POU2F1: variants seen among roughly 807,000 people sequenced by gnomAD.
POU2F1 encodes the protein POU domain, class 2, transcription factor 1.
A neutral mutation model predicts 84.9 loss-of-function variants in POU2F1; 16 were observed. The observed-to-expected ratio is 0.19, with a 90% CI of 0.13 to 0.29. The LOEUF is 0.29. POU2F1 is among the 10% of genes least tolerant of loss of function. POU2F1 has a pLI of 1.00. For synonymous variants in POU2F1, 368 were observed against 368.3 expected, an observed-to-expected ratio of 1.00 and a Z score of 0.01; for missense variants, 738 against 942.6, an observed-to-expected ratio of 0.78 and a Z score of 2.84.
chr1:167,293,547 A>G (rs759168332), intron 1 of POU2F1, among the ~76,000 whole-genome samples: 18 of 152,250 alleles, frequency 1.2e-4, no homozygotes, highest in Non-Finnish European at 2.4e-4. Flanking sequence ...CAGTTGACAG[A>G]TTCAATGCAG....
At position 167,283,899 on chromosome 1, in the gene POU2F1, A is replaced by C. The variant is rs528303430; in HGVS notation, c.62-48571A>C. 1.1e-4 allele frequency among the ~76,000 whole-genome samples: 17 copies of C among 152,316 alleles called. No individual in the cohort carries two copies. In the South Asian group the frequency reaches 2.9e-3, roughly 26 times the overall value. On this transcript the variant is annotated intron_variant, in intron 1 of 15. Transcript: ENST00000367866. ...AATAATAATAACAGCCTAAGTGGTT[A>C]ATTTTGTTCCTTATCCCTACAGTAA...
intron 1 of POU2F1, 64 bp downstream of exon 1, chr1:167,221,022 C>CT (rs1648073217): frequency 4.4e-6 from 6 of 1,370,680 alleles, no homozygotes; most frequent in Non-Finnish European, 5.0e-6. Flanking sequence ...CTGCCCCCCC[C>CT]CGCGACTTAG....
chr1:167,322,127 T>A (rs1656355420), intron 1 of POU2F1, among the ~76,000 whole-genome samples: 1 of 152,188 alleles, frequency 6.6e-6, no homozygotes, highest in Non-Finnish European at 1.5e-5. Flanking sequence ...ACCTTTAAAT[T>A]CTTTACCCTG....
intron 1 of POU2F1, among the ~76,000 whole-genome samples, chr1:167,232,641 G>A (rs1226137553): frequency 2.0e-5 from 3 of 152,064 alleles, no homozygotes; most frequent in South Asian, 2.1e-4. Context: ...TCAGGAGTTC[G>A]AGACCAGCCT....
chr1:167,395,242 T>C (rs1163406159), intron 9 of POU2F1, among the ~76,000 whole-genome samples: 1 of 152,234 alleles, frequency 6.6e-6, no homozygotes, highest in Non-Finnish European at 1.5e-5. Flanking sequence ...TTTTGTAATA[T>C]ATTCAGGGCA....
intron 2 of POU2F1, among the ~76,000 whole-genome samples, chr1:167,349,557 A>G (rs557587414): frequency 5.5e-4 from 84 of 152,320 alleles, no homozygotes; most frequent in African/African-American, 1.9e-3. Flanking sequence ...AGTGCTTGCT[A>G]TACAGTATAT....
At chr1:167,391,559 CTTTTTTTTT>C (rs1175783404) in intron 9 of POU2F1, among the ~76,000 whole-genome samples, 4 of 57,894 alleles carry the variant, frequency 6.9e-5, no homozygotes, top group Non-Finnish European at 9.0e-5. Context: ...TTATATATAT[CTTTTTTTTT>C]TTTTTTTTTT....
intron 2 of POU2F1, among the ~76,000 whole-genome samples, chr1:167,335,423 A>G (rs539935564): frequency 3.9e-5 from 6 of 152,300 alleles, no homozygotes; most frequent in African/African-American, 1.4e-4. Context: ...GAGTGGAGAA[A>G]GAAATACAAT....
rs1422229498 is a variant in POU2F1, at chr1:167,422,718, A to G, written c.*6908A>G. ...GCTATTTTTTTAAATAAATGATCCC[A>G]CAGAACTTAAGTGGGATTTGGTTTA... On this transcript the variant is annotated 3_prime_UTR_variant, in exon 16 of 16. Coordinates refer to ENST00000367866, the MANE Select transcript of POU2F1 (RefSeq NM_002697.4). 1 of 152,206 alleles carries G rather than the reference A, an allele frequency of 6.6e-6. No individual in the cohort carries two copies. Among genetic ancestry groups the G allele is most frequent in the African/African-American group, 2.4e-5 (1 of 41,446 alleles). The allele number at this position is 152,206 out of a possible 1,614,324, so 9.4% of individuals were successfully genotyped here.
intron 1 of POU2F1, among the ~76,000 whole-genome samples, chr1:167,261,179 G>A (rs1651539934): frequency 6.6e-6 from 1 of 152,142 alleles, no homozygotes; most frequent in Non-Finnish European, 1.5e-5. Flanking sequence ...AGAGGTAATT[G>A]TTAAAATGAG....
intron 2 of POU2F1, among the ~76,000 whole-genome samples, chr1:167,349,249 C>G (rs1328712171): frequency 2.0e-5 from 3 of 152,070 alleles, no homozygotes; most frequent in Non-Finnish European, 4.4e-5. Context: ...CCTGACCTTG[C>G]CTTCTCCCTT....
At chr1:167,358,356 A>G (rs1002014409) in intron 2 of POU2F1, among the ~76,000 whole-genome samples, 1 of 151,350 alleles carries the variant, frequency 6.6e-6, no homozygotes, top group Admixed American at 6.6e-5. Context: ...GCTTGTATTT[A>G]TATTTTTCAC....
rs1226868803 is a variant in POU2F1, at chr1:167,417,129, C to G, written c.*1319C>G. 6.6e-6 allele frequency: 1 copy of G among 152,106 alleles called. No individual in the cohort carries two copies. Among genetic ancestry groups the G allele is most frequent in the African/African-American group, 2.4e-5 (1 of 41,394 alleles). 9.4% of individuals were successfully genotyped at this position (152,106 alleles called of 1,614,324 possible). A position where few individuals can be genotyped will look rare whatever the true frequency, so the allele number is the denominator to read the frequency against. On this transcript the variant is annotated 3_prime_UTR_variant, in exon 16 of 16. Transcript: ENST00000367866. ...TGTGATGAGAAGGGTATAAGGTTAC[C>G]ACCTTTTCCTCTAGAGAGCCACAGA...
intron 7 of POU2F1, among the ~76,000 whole-genome samples, chr1:167,377,644 CCCCAACCT>C (rs1275575641): frequency 6.6e-6 from 1 of 152,130 alleles, no homozygotes; most frequent in Non-Finnish European, 1.5e-5. Flanking sequence ...TGAGCCCTAA[CCCCAACCT>C]CCCAATTACT....
chr1:167,324,203 C>T (rs571594308), intron 1 of POU2F1, among the ~76,000 whole-genome samples: 23 of 152,134 alleles, frequency 1.5e-4, no homozygotes, highest in African/African-American at 5.1e-4. Context: ...CTCAGATTGC[C>T]TCATGTGTCA....
chr1:167,359,257 A>G (rs1336328205), intron 2 of POU2F1, among the ~76,000 whole-genome samples: 1 of 151,924 alleles, frequency 6.6e-6, no homozygotes, highest in Non-Finnish European at 1.5e-5. Context: ...ACATGGGTAT[A>G]TCGCCTGATG....
intron 10 of POU2F1, 104 bp downstream of exon 10, chr1:167,396,531 A>G (rs897726438): frequency 1.2e-5 from 14 of 1,162,068 alleles, no homozygotes; most frequent in South Asian, 4.6e-5. Context: ...TTGTTGTTAC[A>G]GAACCTTGAA....
At chr1:167,226,840 G>C (rs919564607) in intron 1 of POU2F1, among the ~76,000 whole-genome samples, 1 of 152,178 alleles carries the variant, frequency 6.6e-6, no homozygotes, top group Non-Finnish European at 1.5e-5. Flanking sequence ...AATTAAGCAA[G>C]CACTCAAGAT....
intron 7 of POU2F1, chr1:167,379,966 A>G (rs2101869956): frequency 6.6e-6 from 1 of 152,362 alleles, no homozygotes; most frequent in African/African-American, 2.4e-5. Flanking sequence ...AGCACAGATA[A>G]TGTAATACTG....
Sources: allele counts gnomAD v4.1 joint callset (sites outside exome capture counted in the v4.1 genomes callset), GRCh38; gene constraint gnomAD v4.1.1; transcripts MANE v1.5; gene names NCBI Gene and HGNC (gene_info 2026-07-23, HGNC 2026-07-21).